The following FYTTD1 variants were observed in gnomAD, a reference collection of about 807,000 sequenced individuals.
FYTTD1 encodes UAP56-interacting factor.
A neutral mutation model predicts 40.9 loss-of-function variants in FYTTD1; 22 were observed. That is an observed-to-expected ratio of 0.54 (90% CI 0.38 to 0.77). The LOEUF (loss-of-function observed/expected upper bound fraction) is 0.77, where lower values mean the gene tolerates loss of function less well. Ranked by LOEUF, FYTTD1 falls within the 30% of genes least tolerant of loss-of-function variation. The pLI is 0.00. For synonymous variants in FYTTD1, 140 were observed against 137.9 expected (o/e 1.01, Z -0.10); for missense variants, 351 against 392.2 (o/e 0.90, Z 0.89).
intron 2 of FYTTD1, among the ~76,000 whole-genome samples, chr3:197,766,323 A>G (rs952458429): frequency 1.3e-5 from 2 of 152,066 alleles, no homozygotes; most frequent in Non-Finnish European, 2.9e-5. Context: ...GATTAGTATA[A>G]AGTTGGTTTG....
At chr3:197,775,558 C>T (rs1428237065) in intron 6 of FYTTD1, among the ~76,000 whole-genome samples, 1 of 152,210 alleles carries the variant, frequency 6.6e-6, no homozygotes, top group Admixed American at 6.5e-5. Context: ...CCCTTACAAT[C>T]GGCCCTCCAT....
intron 6 of FYTTD1, among the ~76,000 whole-genome samples, chr3:197,775,041 T>C (rs1729837284): frequency 6.6e-6 from 1 of 152,274 alleles, no homozygotes; most frequent in Admixed American, 6.5e-5. Context: ...TTATTATTTT[T>C]ATTTTTTATT....
In FYTTD1 at chr3:197,767,789, A is replaced by G. The variant is rs1341826956; in HGVS notation, c.236-650A>G. 2.0e-5 allele frequency among the ~76,000 whole-genome samples: 3 copies of G among 152,228 alleles called. No individual in the cohort carries two copies. The East Asian group carries it at 5.8e-4, about 29-fold the overall frequency. ...TTTAAATAGGTAAGATATGTAATGGAAAACCAAAGTTGGTAATGTCACATG... is the reference window on the plus strand; with the variant it reads ...TTTAAATAGGTAAGATATGTAATGGGAAACCAAAGTTGGTAATGTCACATG... On this transcript the variant is annotated intron_variant, in intron 2 of 8. Coordinates refer to ENST00000241502, the MANE Select transcript of FYTTD1 (RefSeq NM_032288.7).
At chr3:197,770,389 CATGGAT>C (rs1308117415) in intron 4 of FYTTD1, 145 bp downstream of exon 4, 5 of 630,022 alleles carry the variant, frequency 7.9e-6, no homozygotes, top group Non-Finnish European at 1.4e-5. Context: ...TGAACATCCA[CATGGAT>C]GTATCCAGTA....
chr3:197,768,782 G>A (rs1729624910), intron 3 of FYTTD1, among the ~76,000 whole-genome samples, 195 bp downstream of exon 3: 1 of 152,034 alleles, frequency 6.6e-6, no homozygotes, highest in Non-Finnish European at 1.5e-5. Context: ...TCAAATATAA[G>A]TAAGTTGTTT....
At chr3:197,753,795 G>T (rs1357384020) in intron 1 of FYTTD1, among the ~76,000 whole-genome samples, 1 of 151,658 alleles carries the variant, frequency 6.6e-6, no homozygotes, top group African/African-American at 2.4e-5. Flanking sequence ...TTGCTCTGTC[G>T]CCCAGGCTGG....
At chr3:197,750,189 C>A in intron 1 of FYTTD1, 115 bp downstream of exon 1, 2 of 929,568 alleles carry the variant, frequency 2.2e-6, no homozygotes, top group Non-Finnish European at 3.1e-6. Flanking sequence ...AGTTTTCTCG[C>A]TGGTGGGCGG....
At chr3:197,749,637 C>G, upstream of FYTTD1, 1 of 951,038 alleles carries the variant, frequency 1.1e-6, no homozygotes, top group South Asian at 1.4e-5. Flanking sequence ...TCACTGAAGG[C>G]ATAAGATTCA....
intron 5 of FYTTD1, 81 bp from the exon 6 acceptor site, chr3:197,774,067 TA>T: frequency 8.7e-7 from 1 of 1,153,702 alleles, no homozygotes; most frequent in Non-Finnish European, 1.3e-6. Flanking sequence ...ACCACTGGGT[TA>T]GGAAGTTCCA....
intron 4 of FYTTD1, among the ~76,000 whole-genome samples, chr3:197,772,689 A>T (rs1729754366): frequency 6.6e-6 from 1 of 152,176 alleles, no homozygotes; most frequent in African/African-American, 2.4e-5. Context: ...GCCCACAGCA[A>T]CCTCTGCTTC....
intron 7 of FYTTD1, among the ~76,000 whole-genome samples, chr3:197,777,899 TG>T (rs1212833529): frequency 6.6e-6 from 1 of 151,800 alleles, no homozygotes; most frequent in Non-Finnish European, 1.5e-5. Context: ...TTTGTACAGA[TG>T]GGGGTCTTGC....
In FYTTD1 at chr3:197,768,521, A is replaced by G; in HGVS notation, c.318A>G (p.Ala106=). Reference sequence around the variant, plus strand: ...CTAATGGAGTTATCACTGGCCTTGCAGCTAGGAAAACGACTGGAATTCGAA... The same window carrying G: ...CTAATGGAGTTATCACTGGCCTTGCGGCTAGGAAAACGACTGGAATTCGAA... ...RRPNGVITGL[A]ARKTTGIRKG... Residue 106 remains alanine (A), a synonymous_variant, in exon 3 of 9, where the codon GCA becomes GCG. Coordinates refer to ENST00000241502, the MANE Select transcript of FYTTD1 (RefSeq NM_032288.7). The G allele has an allele frequency of 6.2e-7, 1 of 1,613,786 alleles. No individual in the cohort carries two copies. The highest frequency in any genetic ancestry group is 1.1e-5 in the South Asian group (1 of 91,052).
Position 197,770,230 on chromosome 3 carries a change from C to T in FYTTD1, c.483C>T (p.Ser161=). The T allele has an allele frequency of 1.2e-6, 2 of 1,605,140 alleles. No homozygotes were observed. Among genetic ancestry groups the T allele is most frequent in the Non-Finnish European group, 1.7e-6 (2 of 1,173,476 alleles). The change falls in exon 4 of 9, where the codon AGC becomes AGT. Residue 161 remains serine (S), a synonymous_variant. Coordinates refer to ENST00000241502, the MANE Select transcript of FYTTD1 (RefSeq NM_032288.7). ...RKPVAVLKRP[S]QLSRKNNIPA... Reference sequence around the variant, plus strand: ...CAGTAGCAGTTCTCAAGAGACCTAGCCAGCTAAGCAGAAAGTAAGTGCTCA... The same window carrying T: ...CAGTAGCAGTTCTCAAGAGACCTAGTCAGCTAAGCAGAAAGTAAGTGCTCA...
Position 197,778,318 on chromosome 3 carries a change from T to C in FYTTD1, c.732-20T>C. ...TTTTCATTGTTAAGCTGCTCTGATA[T>C]TTTAATATTTTTCTAATAGAACTCA... On this transcript the variant is annotated intron_variant, in intron 7 of 8. Transcript: ENST00000241502. 2 of 1,574,704 alleles carry C rather than the reference T, an allele frequency of 1.3e-6. No homozygotes were observed. Among genetic ancestry groups the C allele is most frequent in the Non-Finnish European group, 1.7e-6 (2 of 1,158,256 alleles).
At chr3:197,755,731 G>A (rs1560492198) in intron 1 of FYTTD1, 34 of 1,404,286 alleles carry the variant, frequency 2.4e-5, no homozygotes, top group Admixed American at 6.7e-5. Context: ...CAAATGATCC[G>A]CCCACCTCAG....
At chr3:197,768,827 C>T (rs1057075209) in intron 3 of FYTTD1, among the ~76,000 whole-genome samples, 11 of 152,186 alleles carry the variant, frequency 7.2e-5, no homozygotes, top group African/African-American at 2.4e-4. Flanking sequence ...GAGTCTTGCT[C>T]TGTTACCCAG....
In FYTTD1 at chr3:197,781,989, A is replaced by G; in HGVS notation, c.*80A>G. 1 of 731,392 alleles carries G rather than the reference A, an allele frequency of 1.4e-6. No individual in the cohort carries two copies. Among genetic ancestry groups the G allele is most frequent in the Non-Finnish European group, 2.1e-6 (1 of 468,220 alleles). The allele number at this position is 731,392 out of a possible 1,614,324, so 45.3% of individuals were successfully genotyped here. ...AGAGTTCATCACGGAAATTCAAGAAACTTTACTTCAAAATATTCACAAGGC... is the reference window on the plus strand; with the variant it reads ...AGAGTTCATCACGGAAATTCAAGAAGCTTTACTTCAAAATATTCACAAGGC... On this transcript the variant is annotated 3_prime_UTR_variant, in exon 9 of 9. Transcript: ENST00000241502.
chr3:197,757,403 C>T (rs1729243026), intron 2 of FYTTD1, among the ~76,000 whole-genome samples: 1 of 152,116 alleles, frequency 6.6e-6, no homozygotes, highest in African/African-American at 2.4e-5. Context: ...GATTTTTATT[C>T]TATATGTTGA....
intron 4 of FYTTD1, among the ~76,000 whole-genome samples, chr3:197,772,944 T>C (rs1158606731): frequency 6.6e-6 from 1 of 152,088 alleles, no homozygotes; most frequent in Non-Finnish European, 1.5e-5. Context: ...GGTTTCTGAG[T>C]GAGGAAGGAA....
Sources: gnomAD v4.1 joint callset for allele counts (sites outside exome capture counted in the v4.1 genomes callset) on GRCh38, gnomAD v4.1.1 for gene constraint, MANE v1.5 for transcripts, NCBI Gene and HGNC (gene_info 2026-07-23, HGNC 2026-07-21) for gene names.